The following CACNA1I variants were observed in gnomAD, a reference collection of about 807,000 sequenced individuals.
The protein encoded by CACNA1I is voltage-dependent T-type calcium channel subunit alpha-1I.
Under a neutral mutation model 201.6 loss-of-function variants are expected in CACNA1I, and 74 were observed. The ratio of observed to expected loss-of-function variants is 0.37; its 90% CI spans 0.30 to 0.45. The LOEUF is 0.45. CACNA1I is among the 20% of genes least tolerant of loss of function. CACNA1I has a pLI of 1.00. For missense variants in CACNA1I, 2,346 were observed against 3,138.1 expected, an observed-to-expected ratio of 0.75 and a Z score of 6.03; for synonymous variants, 1,431 against 1,345.2, an observed-to-expected ratio of 1.06 and a Z score of -1.40.
chr22:39,663,996 C>A, intron 19 of CACNA1I, 95 bp from the exon 20 acceptor site: 1 of 1,513,066 alleles, frequency 6.6e-7, no homozygotes, highest in Non-Finnish European at 9.2e-7. Context: ...GAGGTGGCAG[C>A]CTCTCCTCTA....
In CACNA1I at chr22:39,665,501, C is replaced by T; in HGVS notation, c.3855C>T (p.Val1285=). Residue 1285 remains valine, a synonymous_variant, in exon 22 of 37, where the codon GTC becomes GTT. Transcript: ENST00000402142. This position sits in a 1 kb window ranked among gnomAD's most constrained non-coding sequence, Gnocchi z 5.5. The part of the protein sequence containing the change: ...RLLRTLRPLR[V]ISRAPGLKLV... ...CCTGGCCTCTCCCTGCCGTCAGTGT[C>T]ATCAGCCGGGCGCCGGGCCTGAAGC... 1 of 1,613,680 alleles carries T rather than the reference C, an allele frequency of 6.2e-7. No homozygotes were observed. Among genetic ancestry groups the T allele is most frequent in the South Asian group, 1.1e-5 (1 of 91,082 alleles).
chr22:39,679,974 C>A, intron 33 of CACNA1I, 106 bp downstream of exon 33: 1 of 1,213,558 alleles, frequency 8.2e-7, no homozygotes, highest in Non-Finnish European at 1.1e-6. Flanking sequence ...AGAGACCAGG[C>A]TGGGTCAACG....
At chr22:39,634,532 G>A in intron 4 of CACNA1I, 33 bp from the exon 5 acceptor site, 1 of 1,612,478 alleles carries the variant, frequency 6.2e-7, no homozygotes, top group African/African-American at 1.3e-5. Flanking sequence ...TCTGCTCCCT[G>A]TCTGACCATC....
intron 16 of CACNA1I, 43 bp downstream of exon 16, chr22:39,661,353 G>GGT (rs1285197313): frequency 6.9e-7 from 1 of 1,443,710 alleles, no homozygotes; most frequent in South Asian, 1.4e-5. Flanking sequence ...TTCCTGCTGG[G>GGT]GTGTGTGTGG....
intron 1 of CACNA1I, among the ~76,000 whole-genome samples, chr22:39,585,386 CTTTT>C (rs67733131): frequency 4.8e-4 from 43 of 90,454 alleles, no homozygotes; most frequent in African/African-American, 1.6e-3. Flanking sequence ...TTCTTTCTTT[CTTTT>C]TTTTTTTTTT....
intron 4 of CACNA1I, among the ~76,000 whole-genome samples, chr22:39,624,911 T>A (rs1933856852): frequency 6.8e-6 from 1 of 146,848 alleles, no homozygotes; most frequent in Admixed American, 6.8e-5. Context: ...ACACAGTCTT[T>A]TTTTTTTTTT....
At chr22:39,574,277 C>T (rs1165856569) in intron 1 of CACNA1I, among the ~76,000 whole-genome samples, 1 of 151,918 alleles carries the variant, frequency 6.6e-6, no homozygotes, top group Non-Finnish European at 1.5e-5. Flanking sequence ...TGCTGTGTGC[C>T]TACGAGTTGG....
intron 3 of CACNA1I, among the ~76,000 whole-genome samples, chr22:39,617,775 C>A (rs1300257154): frequency 1.4e-5 from 2 of 143,730 alleles, no homozygotes; most frequent in East Asian, 2.1e-4. Context: ...GCCCACCGCA[C>A]CCCTCCTTTC....
Position 39,666,026 on chromosome 22 carries a change from C to G in CACNA1I, c.4104+20C>G, listed in dbSNP as rs1935182327. On this transcript the variant is annotated intron_variant, in intron 23 of 36. Coordinates refer to ENST00000402142, the MANE Select transcript of CACNA1I (RefSeq NM_021096.4). This position sits in a 1 kb window ranked among gnomAD's most constrained non-coding sequence, Gnocchi z 4.1. ...GGCCAGGTGAGCACCACCGTCCTAG[C>G]CCTGATCAGACCCTCCCCTCTCTTG... 6.2e-7 allele frequency: 1 copy of G among 1,610,130 alleles called. No homozygotes were observed. Among genetic ancestry groups the G allele is most frequent in the Admixed American group, 1.7e-5 (1 of 59,292 alleles).
chr22:39,686,654 GTGTATACACACACACATAGACAGA>G lies in CACNA1I; in HGVS notation c.*250_*273del, dbSNP rs1935897823. ...TATATATATATATATATATATATATGTGTATACACACACACATAGACAGACATATATATATATATTTATTTTTTT... is the reference window on the plus strand; with the variant it reads ...TATATATATATATATATATATATATGCATATATATATATATTTATTTTTTT... On this transcript the variant is annotated 3_prime_UTR_variant, in exon 37 of 37. Transcript: ENST00000402142. 3.9e-5 allele frequency: 4 copies of G among 102,238 alleles called. No individual in the cohort carries two copies. Among genetic ancestry groups the G allele is most frequent in the South Asian group, 3.4e-4 (1 of 2,966 alleles). The allele number at this position is 102,238 out of a possible 1,614,324, so 6.3% of individuals were successfully genotyped here.
intron 19 of CACNA1I, 90 bp from the exon 20 acceptor site, chr22:39,664,001 C>T: frequency 6.6e-7 from 1 of 1,521,706 alleles, no homozygotes; most frequent in Non-Finnish European, 9.1e-7. Context: ...GGCAGCCTCT[C>T]CTCTACGAAC....
At position 39,679,205 on chromosome 22, in the gene CACNA1I, G is replaced by C; in HGVS notation, c.5154G>C (p.Gln1718His). Residue 1718 changes from glutamine to histidine, a missense_variant, in exon 32 of 37, where the codon CAG (glutamine) becomes CAC (histidine). Physicochemically the swap from Gln to His is conservative, Grantham distance 24. Transcript: ENST00000402142. ...TCGTGAGCTTCGTGCTCACCGCGCA[G>C]TTCGTGCTCATCAACGTGGTGGTGG... is the stretch of plus-strand genomic sequence containing the variant. ...LYFVSFVLTA[Q>H]FVLINVVVAV... The C allele has an allele frequency of 6.3e-7, 1 of 1,593,062 alleles. No individual in the cohort carries two copies. Among genetic ancestry groups the C allele is most frequent in the Non-Finnish European group, 8.5e-7 (1 of 1,170,756 alleles).
At position 39,668,336 on chromosome 22, in the gene CACNA1I, G is replaced by A; in HGVS notation, c.4149G>A (p.Val1383=). Residue 1383 remains valine (V), a synonymous_variant, in exon 24 of 37, where the codon GTG becomes GTA. Transcript: ENST00000402142. ...LFVLASKDGW[V]NIMYNGLDAV... ...TCCTGGCATCCAAGGATGGTTGGGT[G>A]AACATCATGTACAATGGACTGGATG... 6.2e-7 allele frequency: 1 copy of A among 1,613,680 alleles called. No homozygotes were observed. Among genetic ancestry groups the A allele is most frequent in the Non-Finnish European group, 8.5e-7 (1 of 1,179,660 alleles).
At chr22:39,635,514 G>A (rs1200288194) in intron 5 of CACNA1I, among the ~76,000 whole-genome samples, 1 of 152,186 alleles carries the variant, frequency 6.6e-6, no homozygotes, top group Non-Finnish European at 1.5e-5. Context: ...GGCCTGGTTG[G>A]GGAGAGGGTA....
intron 3 of CACNA1I, among the ~76,000 whole-genome samples, chr22:39,613,923 C>G (rs1295299946): frequency 6.6e-6 from 1 of 152,122 alleles, no homozygotes; most frequent in African/African-American, 2.4e-5. Flanking sequence ...CTGCAACCTC[C>G]GCCTCCTGGG....
chr22:39,662,960 T>C, intron 18 of CACNA1I, 84 bp downstream of exon 18: 1 of 952,518 alleles, frequency 1.0e-6, no homozygotes, highest in Non-Finnish European at 1.6e-6. Context: ...GCAAGGCCAT[T>C]GGTGGCGCTC....
intron 14 of CACNA1I, 106 bp from the exon 15 acceptor site, chr22:39,660,238 C>G: frequency 1.3e-6 from 1 of 788,472 alleles, no homozygotes; most frequent in Non-Finnish European, 2.0e-6. Context: ...CTCAGTTTTC[C>G]CATTTGCAAA....
intron 3 of CACNA1I, among the ~76,000 whole-genome samples, chr22:39,606,427 G>C (rs142479790): frequency 6.6e-6 from 1 of 152,192 alleles, no homozygotes; most frequent in African/African-American, 2.4e-5. Flanking sequence ...TCCTGCACTC[G>C]CACAGCTCAG....
At chr22:39,589,929 A>T (rs1932802218) in intron 1 of CACNA1I, among the ~76,000 whole-genome samples, 1 of 152,206 alleles carries the variant, frequency 6.6e-6, no homozygotes, top group East Asian at 1.9e-4. Flanking sequence ...GACAAAAATA[A>T]AAACAAACTT....
Sources: allele counts gnomAD v4.1 joint callset (sites outside exome capture counted in the v4.1 genomes callset), GRCh38; gene constraint gnomAD v4.1.1; non-coding constraint Gnocchi (gnomAD v3.1); transcripts MANE v1.5; gene names NCBI Gene and HGNC (gene_info 2026-07-23, HGNC 2026-07-21).